Variants in ZNF324B observed in about 807,000 individuals in gnomAD.
ZNF324B encodes the protein zinc finger protein 324B.
A neutral mutation model predicts 10.6 loss-of-function variants in ZNF324B; 7 were observed. That is an observed-to-expected ratio of 0.66 (90% CI 0.38 to 1.24). The LOEUF (loss-of-function observed/expected upper bound fraction) is 1.24, where lower values mean the gene tolerates loss of function less well. Among genes scored for constraint, ZNF324B ranks in the 50% most tolerant of loss-of-function variants. The probability of loss-of-function intolerance (pLI) is 0.02; values close to 1 mark genes in which losing one functional copy is unlikely to be tolerated. For missense variants in ZNF324B, 640 were observed against 764.7 expected, an observed-to-expected ratio of 0.84 and a Z score of 1.92; for synonymous variants, 316 against 321.0, an observed-to-expected ratio of 0.98 and a Z score of 0.17.
the ZNF324B span, chr19:58,419,217 A>G: frequency 6.6e-6 from 1 of 152,302 alleles, no homozygotes; most frequent in East Asian, 1.9e-4. Context: ...GGACATAAAA[A>G]GTTGGGTTCC....
At chr19:58,450,072 C>T (rs547363947), upstream of ZNF324B, among the ~76,000 whole-genome samples, 25 of 152,210 alleles carry the variant, frequency 1.6e-4, no homozygotes, top group Admixed American at 1.6e-3. Flanking sequence ...GGGACAGTTT[C>T]CCCCATACTA....
At chr19:58,434,526 C>T in the ZNF324B span, 1 of 1,614,192 alleles carries the variant, frequency 6.2e-7, no homozygotes, top group Non-Finnish European at 8.5e-7. Flanking sequence ...GGTGCTTCCT[C>T]AGCTTAGATG....
the ZNF324B span, among the ~76,000 whole-genome samples, chr19:58,427,368 T>TTC: frequency 1.4e-4 from 6 of 41,648 alleles, no homozygotes; most frequent in African/African-American, 5.3e-4. Context: ...CTTTCTTTCT[T>TTC]TCTTTCTTTC....
the ZNF324B span, chr19:58,436,876 G>A: frequency 1.1e-6 from 1 of 918,424 alleles, no homozygotes; most frequent in Non-Finnish European, 1.8e-6. Flanking sequence ...AGGCTGCTCA[G>A]AGAGAGACAG....
At chr19:58,433,319 C>T in the ZNF324B span, 2 of 1,605,922 alleles carry the variant, frequency 1.2e-6, no homozygotes, top group South Asian at 1.1e-5. Context: ...CCATAAGGCT[C>T]CACTCAGGTA....
At chr19:58,433,225 A>C in the ZNF324B span, 13 of 1,279,340 alleles carry the variant, frequency 1.0e-5, no homozygotes, top group Non-Finnish European at 1.3e-5. Flanking sequence ...CCACATTAGC[A>C]GTACATGTAG....
At chr19:58,447,218 T>C (rs12985394), upstream of ZNF324B, among the ~76,000 whole-genome samples, 25,622 of 152,110 alleles carry the variant, frequency 0.17, 2,380 homozygotes, top group Non-Finnish European at 0.21. Flanking sequence ...CCTCAAGTGA[T>C]CTGCCTGCCT....
chr19:58,433,258 TC>T, the ZNF324B span: 3 of 1,514,642 alleles, frequency 2.0e-6, no homozygotes, highest in Non-Finnish European at 2.7e-6. Context: ...GTATGGGGAT[TC>T]TGCTGCATGA....
At chr19:58,427,632 T>A in the ZNF324B span, among the ~76,000 whole-genome samples, 1 of 151,124 alleles carries the variant, frequency 6.6e-6, no homozygotes, top group Non-Finnish European at 1.5e-5. Context: ...TGGGATTACA[T>A]GCGTGAGCTA....
the ZNF324B span, among the ~76,000 whole-genome samples, chr19:58,431,581 C>G: frequency 2.0e-5 from 3 of 152,200 alleles, no homozygotes; most frequent in Admixed American, 2.0e-4. Flanking sequence ...TTTATGGGGA[C>G]TCCTGTTCAC....
chr19:58,455,246 C>A lies in ZNF324B; in HGVS notation c.302C>A (p.Thr101Asn). Reference protein sequence around the residue: ...SGEWPRAFPDTPPGMTTSVFP... With the variant: ...SGEWPRAFPDNPPGMTTSVFP... ...GAATGGCCACGAGCTTTCCCAGATA[C>A]CCCACCTGGGATGACTACTAGCGTC... is the stretch of plus-strand genomic sequence containing the variant. The change falls in exon 4 of 4, where the codon ACC (threonine) becomes AAC (asparagine). Residue 101 changes from threonine (T) to asparagine (N), a missense_variant. By Grantham distance (65) the Thr-to-Asn change is moderately conservative. This residue lies in a region of ZNF324B where 345 missense variants were observed against 387.9 expected (regional missense o/e 0.89). Transcript: ENST00000336614. The surrounding 1 kb of genome is among the most constrained non-coding windows in gnomAD (Gnocchi z 7.0). 1 of 1,614,164 alleles carries A rather than the reference C, an allele frequency of 6.2e-7. No homozygotes were observed. The highest frequency in any genetic ancestry group is 8.5e-7 in the Non-Finnish European group (1 of 1,180,032).
At chr19:58,444,078 G>C in the ZNF324B span, 1 of 152,260 alleles carries the variant, frequency 6.6e-6, no homozygotes, top group African/African-American at 2.4e-5. Flanking sequence ...AGAGCTGTTG[G>C]CAGTGCCCTG....
the ZNF324B span, among the ~76,000 whole-genome samples, chr19:58,424,034 G>T: frequency 6.7e-6 from 1 of 149,220 alleles, no homozygotes; most frequent in Non-Finnish European, 1.5e-5. Context: ...GAGGTCAGGA[G>T]TTCGAGACCA....
intron 1 of ZNF324B, chr19:58,453,378 T>C: frequency 2.3e-6 from 1 of 437,146 alleles, no homozygotes; most frequent in South Asian, 2.2e-5. Flanking sequence ...GGGAGGGTCA[T>C]GAATGGTCAT....
chr19:58,438,832 A>G, the ZNF324B span, among the ~76,000 whole-genome samples: 2 of 149,954 alleles, frequency 1.3e-5, no homozygotes, highest in Admixed American at 1.3e-4. Context: ...GCGCAGTGGC[A>G]CGATCTCAGC....
intron 1 of ZNF324B, 70 bp downstream of exon 1, chr19:58,451,774 G>T (rs1274274390): frequency 6.0e-6 from 2 of 334,704 alleles, no homozygotes; most frequent in South Asian, 4.2e-5. Context: ...GTCGGCCCGG[G>T]GGCGGTCGGG....
chr19:58,439,714 G>A, the ZNF324B span: 1 of 1,489,054 alleles, frequency 6.7e-7, no homozygotes, highest in Non-Finnish European at 8.9e-7. Flanking sequence ...GGATCCTGAG[G>A]GCCGGAATCC....
At chr19:58,423,972 G>A in the ZNF324B span, among the ~76,000 whole-genome samples, 1 of 152,042 alleles carries the variant, frequency 6.6e-6, no homozygotes, top group African/African-American at 2.4e-5. Flanking sequence ...CGGGGCAGTG[G>A]CTCACACCTG....
At position 58,454,208 on chromosome 19, in the gene ZNF324B, T is replaced by C. The variant is rs1217825986; in HGVS notation, c.122-20T>C. The C allele has an allele frequency of 6.4e-7, 1 of 1,574,366 alleles. No individual in the cohort carries two copies. ...GTTGTCTTGACCTGGGGCTGGGCTC[T>C]CACCTGCTCCTCCTCACAGGACTCT... On this transcript the variant is annotated intron_variant, in intron 2 of 3. Transcript: ENST00000336614.
Sources: allele counts gnomAD v4.1 joint callset (sites outside exome capture counted in the v4.1 genomes callset), GRCh38; gene constraint gnomAD v4.1.1; regional missense constraint gnomAD v4.1.1; non-coding constraint Gnocchi (gnomAD v3.1); transcripts MANE v1.5; gene names NCBI Gene and HGNC (gene_info 2026-07-23, HGNC 2026-07-21).